Variants in CSMD1 observed in about 807,000 individuals in gnomAD.
CSMD1 encodes the protein CUB and Sushi multiple domains 1.
CSMD1 carries 213 observed loss-of-function variants against 417.5 expected under a neutral mutation model. The observed-to-expected ratio is 0.51, with a 90% CI of 0.46 to 0.57. The LOEUF (loss-of-function observed/expected upper bound fraction) is 0.57. CSMD1 is among the 20% of genes least tolerant of loss of function. The probability of loss-of-function intolerance (pLI) is 0.00; values close to 1 mark genes in which losing one functional copy is unlikely to be tolerated. For missense variants in CSMD1, 6,923 were observed against 4,529.7 expected (o/e 1.53, Z -15.17); for synonymous variants, 2,862 against 1,736.8 (o/e 1.65, Z -16.11).
chr8:3,813,207 C>G (rs1472099384), intron 5 of CSMD1, among the ~76,000 whole-genome samples: 3 of 150,928 alleles, frequency 2.0e-5, no homozygotes, highest in Non-Finnish European at 4.4e-5. Flanking sequence ...GTCAGGTATC[C>G]TTGCTAATAA....
At chr8:3,104,391 T>C (rs978490857) in intron 46 of CSMD1, among the ~76,000 whole-genome samples, 15 of 152,190 alleles carry the variant, frequency 9.9e-5, no homozygotes, top group Admixed American at 6.5e-4. Flanking sequence ...TAAGGCAACC[T>C]AGAGGCACAG....
Position 3,799,999 on chromosome 8 carries a change from G to C in CSMD1, c.819-45957C>G, listed in dbSNP as rs532334493. ...CATTTCACTCTGAAGTCCACTATTT[G>C]TGTAACCTTGTAAAATCACTTGACT... is the stretch of plus-strand genomic sequence containing the variant. On this transcript the variant is annotated intron_variant, in intron 5 of 69. Coordinates refer to ENST00000635120, the MANE Select transcript of CSMD1 (RefSeq NM_033225.6). 4.1e-4 allele frequency among the ~76,000 whole-genome samples: 63 copies of C among 152,244 alleles called. No homozygotes were observed. In the South Asian group the frequency reaches 6.8e-3, roughly 17 times the overall value.
intron 13 of CSMD1, 53 bp from the exon 14 acceptor site, chr8:3,408,278 G>C: frequency 7.1e-7 from 1 of 1,401,646 alleles, no homozygotes; most frequent in Non-Finnish European, 9.7e-7. Context: ...CCAAAGAATT[G>C]CCATGTGAAA....
At chr8:3,405,856 C>G (rs565749807) in intron 15 of CSMD1, among the ~76,000 whole-genome samples, 171 bp downstream of exon 15, 2 of 152,200 alleles carry the variant, frequency 1.3e-5, no homozygotes, top group African/African-American at 2.4e-5. Flanking sequence ...GGATCTCAGA[C>G]TTCCAGCCTC....
At chr8:4,762,030 A>G (rs1334660700) in intron 1 of CSMD1, among the ~76,000 whole-genome samples, 1 of 152,032 alleles carries the variant, frequency 6.6e-6, no homozygotes, top group African/African-American at 2.4e-5. Flanking sequence ...TAATATATTA[A>G]GACTCAGGAT....
At chr8:3,321,096 C>T (rs547741706) in intron 23 of CSMD1, among the ~76,000 whole-genome samples, 182 of 152,298 alleles carry the variant, frequency 1.2e-3, no homozygotes, top group Middle Eastern at 3.4e-3. Flanking sequence ...CTTTCCACTG[C>T]TCCTGTCAAC....
At chr8:3,701,936 G>A (rs984600163) in intron 7 of CSMD1, among the ~76,000 whole-genome samples, 1 of 152,076 alleles carries the variant, frequency 6.6e-6, no homozygotes, top group African/African-American at 2.4e-5. Context: ...TGTCTCTTTG[G>A]AAACTAGGGG....
At chr8:4,138,044 A>ATTTTTTTTTTTTT (rs55993904) in intron 3 of CSMD1, among the ~76,000 whole-genome samples, 2 of 62,708 alleles carry the variant, frequency 3.2e-5, no homozygotes, top group African/African-American at 1.3e-4. Flanking sequence ...TGCCCGGCTA[A>ATTTTTTTTTTTTT]TTTTTTTTTT....
At chr8:3,979,913 A>G (rs1017713403) in intron 5 of CSMD1, among the ~76,000 whole-genome samples, 3 of 152,242 alleles carry the variant, frequency 2.0e-5, no homozygotes, top group East Asian at 1.9e-4. Flanking sequence ...CATACTCCAT[A>G]AAGACCCTTT....
rs902057128 is a variant in CSMD1, at chr8:3,931,319, C to T, written c.818+66584G>A. ...AATTTTCAAATAAAATATTTAAGAA[C>T]TAGAAGTCAGCAGAAAAGGGCCACT... On this transcript the variant is annotated intron_variant, in intron 5 of 69. Transcript: ENST00000635120. Among the ~76,000 whole-genome samples, 10 of 150,378 alleles carry T rather than the reference C, an allele frequency of 6.6e-5. 1 individual carries two copies. The highest frequency in any genetic ancestry group is 2.5e-4 in the African/African-American group (10 of 40,744).
intron 26 of CSMD1, among the ~76,000 whole-genome samples, chr8:3,266,292 G>C (rs1246480577): frequency 6.6e-6 from 1 of 151,390 alleles, no homozygotes; most frequent in African/African-American, 2.4e-5. Context: ...TAGCACCACA[G>C]TTCTGCAAGG....
chr8:4,197,152 C>G (rs1490207173), intron 3 of CSMD1, among the ~76,000 whole-genome samples: 4 of 152,196 alleles, frequency 2.6e-5, no homozygotes, highest in African/African-American at 7.2e-5. Flanking sequence ...ACAAGGTTAT[C>G]ACCTGTTCTC....
chr8:4,916,288 G>A (rs533817770), intron 1 of CSMD1, among the ~76,000 whole-genome samples: 1 of 152,178 alleles, frequency 6.6e-6, no homozygotes, highest in African/African-American at 2.4e-5. Context: ...ATCACATCAA[G>A]AACTTGCTCT....
In CSMD1 at chr8:3,258,828, A is replaced by G. The variant is rs143174411; in HGVS notation, c.4153+25316T>C. On this transcript the variant is annotated intron_variant, in intron 26 of 69. Coordinates refer to ENST00000635120, the MANE Select transcript of CSMD1 (RefSeq NM_033225.6). ...GAGCTGGAGGCCATTATTCTTAGCAAACAAATGCAGGAAGAGAAAACCAAA... is the reference window on the plus strand; with the variant it reads ...GAGCTGGAGGCCATTATTCTTAGCAGACAAATGCAGGAAGAGAAAACCAAA... Among the ~76,000 whole-genome samples, 1,148 of 152,348 alleles carry G rather than the reference A, an allele frequency of 7.5e-3. 14 individuals are homozygous for G. The highest frequency in any genetic ancestry group is 0.026 in the African/African-American group (1,066 of 41,584).
Position 4,994,568 on chromosome 8 carries a change from C to T in CSMD1, c.-152G>A. 1 of 670,762 alleles carries T rather than the reference C, an allele frequency of 1.5e-6. No homozygotes were observed. Among genetic ancestry groups the T allele is most frequent in the Non-Finnish European group, 2.6e-6 (1 of 385,430 alleles). 41.6% of individuals were successfully genotyped at this position (670,762 alleles called of 1,614,324 possible). A position where few individuals can be genotyped will look rare whatever the true frequency, so the allele number is the denominator to read the frequency against. ...CGCGCATCCGACGCCTCCTGAAGGT[C>T]TGGGCGCCCGGCTCGCTTCCCTCTC... On this transcript the variant is annotated 5_prime_UTR_variant, in exon 1 of 70. Coordinates refer to ENST00000635120, the MANE Select transcript of CSMD1 (RefSeq NM_033225.6).
chr8:4,212,062 C>G lies in CSMD1; in HGVS notation c.416-179963G>C, dbSNP rs992825658. Among the ~76,000 whole-genome samples, 5 of 151,854 alleles carry G rather than the reference C, an allele frequency of 3.3e-5. No homozygotes were observed. The South Asian group carries it at 8.3e-4, about 25-fold the overall frequency. ...AAGGACCTTAATAATTCCTTTTCAA[C>G]TGTAAGAAAGAATATGCCTTGTCAA... On this transcript the variant is annotated intron_variant, in intron 3 of 69. Coordinates refer to ENST00000635120, the MANE Select transcript of CSMD1 (RefSeq NM_033225.6).
intron 2 of CSMD1, among the ~76,000 whole-genome samples, chr8:4,613,525 C>T (rs904261108): frequency 6.6e-5 from 10 of 152,082 alleles, no homozygotes; most frequent in African/African-American, 2.2e-4. Context: ...CATCAGAGAC[C>T]GCAACTGTAA....
chr8:3,264,425 A>T (rs1801289832), intron 26 of CSMD1, among the ~76,000 whole-genome samples: 1 of 152,124 alleles, frequency 6.6e-6, no homozygotes, highest in Non-Finnish European at 1.5e-5. Context: ...TTTTTGCCAC[A>T]CAAGTGTCAG....
At chr8:3,428,101 G>C (rs1042060147) in intron 12 of CSMD1, among the ~76,000 whole-genome samples, 3 of 152,090 alleles carry the variant, frequency 2.0e-5, no homozygotes, top group African/African-American at 7.2e-5. Context: ...TATTCTTACA[G>C]CACCTGAAAT....
Sources: gnomAD v4.1 joint callset for allele counts (sites outside exome capture counted in the v4.1 genomes callset) on GRCh38, gnomAD v4.1.1 for gene constraint, MANE v1.5 for transcripts, NCBI Gene and HGNC (gene_info 2026-07-23, HGNC 2026-07-21) for gene names.